EEFSEC: variants seen among roughly 807,000 people sequenced by gnomAD.
EEFSEC encodes the protein eukaryotic elongation factor, selenocysteine-tRNA specific.
Under a neutral mutation model 42.1 loss-of-function variants are expected in EEFSEC, and 43 were observed. The ratio of observed to expected loss-of-function variants is 1.02; its 90% CI spans 0.80 to 1.32. The LOEUF (loss-of-function observed/expected upper bound fraction) is 1.32, where lower values mean the gene tolerates loss of function less well. EEFSEC is among the 40% of genes most tolerant of loss of function. The pLI is 0.00. For synonymous variants in EEFSEC, 354 were observed against 339.1 expected (o/e 1.04, Z -0.48); for missense variants, 745 against 803.6 (o/e 0.93, Z 0.88).
chr3:128,419,476 T>C, the EEFSEC span, among the ~76,000 whole-genome samples: 1 of 152,204 alleles, frequency 6.6e-6, no homozygotes, highest in Admixed American at 6.5e-5. Context: ...GTTCTGTGAA[T>C]GCAGGCATGG....
chr3:128,196,082 G>A (rs2065581908), intron 1 of EEFSEC, among the ~76,000 whole-genome samples: 1 of 152,238 alleles, frequency 6.6e-6, no homozygotes, highest in African/African-American at 2.4e-5. Flanking sequence ...CTGAGACAGT[G>A]TGTCTGTGAC....
chr3:128,223,669 G>A (rs2065881816), intron 1 of EEFSEC, among the ~76,000 whole-genome samples: 1 of 152,172 alleles, frequency 6.6e-6, no homozygotes, highest in South Asian at 2.1e-4. Flanking sequence ...TATGAAATGG[G>A]AAATTTAGTG....
chr3:128,369,966 C>T (rs59254072), intron 6 of EEFSEC, among the ~76,000 whole-genome samples: 2,824 of 152,292 alleles, frequency 0.019, 94 homozygotes, highest in African/African-American at 0.063. Context: ...GACATTGATG[C>T]CACATTGTCT....
the EEFSEC span, among the ~76,000 whole-genome samples, chr3:128,421,337 C>G: frequency 3.3e-5 from 5 of 152,206 alleles, no homozygotes; most frequent in East Asian, 9.6e-4. Context: ...CCAGCGTGAA[C>G]GAGGGGGTCA....
intron 4 of EEFSEC, among the ~76,000 whole-genome samples, chr3:128,336,577 G>C (rs1392590890): frequency 6.6e-6 from 1 of 152,158 alleles, no homozygotes; most frequent in Non-Finnish European, 1.5e-5. Flanking sequence ...CTGGGGGCCT[G>C]GTTCTTCCCC....
At chr3:128,276,092 T>C (rs761040268) in intron 4 of EEFSEC, among the ~76,000 whole-genome samples, 2 of 152,186 alleles carry the variant, frequency 1.3e-5, no homozygotes, top group Non-Finnish European at 2.9e-5. Context: ...AGGCCCCTTC[T>C]TGGCCCTCCT....
the EEFSEC span, among the ~76,000 whole-genome samples, chr3:128,415,665 C>T: frequency 2.6e-5 from 4 of 152,208 alleles, no homozygotes; most frequent in Non-Finnish European, 5.9e-5. Context: ...CACTCAAGCC[C>T]GCTTCTCCCT....
At chr3:128,272,508 GCC>G (rs2066424828) in intron 4 of EEFSEC, among the ~76,000 whole-genome samples, 2 of 152,312 alleles carry the variant, frequency 1.3e-5, no homozygotes, top group East Asian at 3.9e-4. Flanking sequence ...CAGGAGAGTT[GCC>G]CAGAAGCAGA....
intron 2 of EEFSEC, among the ~76,000 whole-genome samples, chr3:128,249,723 A>G (rs987917478): frequency 6.6e-6 from 1 of 152,186 alleles, no homozygotes; most frequent in Non-Finnish European, 1.5e-5. Context: ...CACTTAGCAT[A>G]ATGTTTTTAA....
rs908306509 is a variant in EEFSEC, at chr3:128,373,554, G to A, written c.1600+15181G>A. Among the ~76,000 whole-genome samples the A allele has an allele frequency of 3.9e-5, 6 of 152,334 alleles. No individual in the cohort carries two copies. The East Asian group carries it at 7.7e-4, about 20-fold the overall frequency. ...TTAGCCAGGGACCTACAGCAGCAGC[G>A]AGCCTTTGGTTGGTGAGCAACCCCT... On this transcript the variant is annotated intron_variant, in intron 6 of 6. Coordinates refer to ENST00000254730, the MANE Select transcript of EEFSEC (RefSeq NM_021937.5).
chr3:128,235,755 C>T (rs189281728), intron 1 of EEFSEC, among the ~76,000 whole-genome samples: 153 of 152,332 alleles, frequency 1.0e-3, no homozygotes, highest in African/African-American at 3.5e-3. Context: ...GGCAGTCAGG[C>T]TGGTTCTGAC....
chr3:128,220,113 A>T lies in EEFSEC; in HGVS notation c.317-26723A>T, dbSNP rs77476809. Among the ~76,000 whole-genome samples, 131 of 152,276 alleles carry T rather than the reference A, an allele frequency of 8.6e-4. No individual in the cohort carries two copies. The East Asian group carries it at 0.019, about 22-fold the overall frequency. ...AGTTATAGGATTACAACTCCTGGAG[A>T]TGAGGGAACTGAAGGACAGAGAGAG... On this transcript the variant is annotated intron_variant, in intron 1 of 6. Coordinates refer to ENST00000254730, the MANE Select transcript of EEFSEC (RefSeq NM_021937.5).
intron 1 of EEFSEC, among the ~76,000 whole-genome samples, chr3:128,162,265 C>T (rs146642173): frequency 2.0e-5 from 3 of 152,312 alleles, no homozygotes; most frequent in Non-Finnish European, 4.4e-5. Context: ...ATTCTACTCT[C>T]CAGTACTGCT....
At chr3:128,316,826 C>T (rs2066951648) in intron 4 of EEFSEC, among the ~76,000 whole-genome samples, 1 of 152,218 alleles carries the variant, frequency 6.6e-6, no homozygotes, top group Non-Finnish European at 1.5e-5. Flanking sequence ...CATACGACAG[C>T]AGGGAGTTGA....
chr3:128,259,839 T>C (rs983855138), intron 2 of EEFSEC, among the ~76,000 whole-genome samples: 2 of 152,204 alleles, frequency 1.3e-5, no homozygotes, highest in Non-Finnish European at 2.9e-5. Context: ...TGTCTTTTTA[T>C]GTCATGTCTT....
chr3:128,296,645 C>T (rs1171530112), intron 4 of EEFSEC, among the ~76,000 whole-genome samples: 2 of 50,598 alleles, frequency 4.0e-5, no homozygotes, highest in African/African-American at 1.1e-4. Flanking sequence ...GTTACCTCCT[C>T]ACTGACCTTC....
At chr3:128,292,662 T>C (rs1171034664) in intron 4 of EEFSEC, among the ~76,000 whole-genome samples, 1 of 151,934 alleles carries the variant, frequency 6.6e-6, no homozygotes, top group Non-Finnish European at 1.5e-5. Flanking sequence ...TCATTTTATT[T>C]CTAATATTTT....
downstream of EEFSEC, among the ~76,000 whole-genome samples, chr3:128,410,541 G>A (rs575134767): frequency 2.0e-5 from 3 of 152,280 alleles, no homozygotes; most frequent in South Asian, 2.1e-4. Context: ...TGTGGCTGCC[G>A]CCACCAGGGC....
At chr3:128,255,328 G>A (rs2066230633) in intron 2 of EEFSEC, among the ~76,000 whole-genome samples, 1 of 152,180 alleles carries the variant, frequency 6.6e-6, no homozygotes, top group South Asian at 2.1e-4. Flanking sequence ...AGGAGGGAAG[G>A]ATGCCACTGC....
Sources: allele counts gnomAD v4.1 joint callset (sites outside exome capture counted in the v4.1 genomes callset), GRCh38; gene constraint gnomAD v4.1.1; transcripts MANE v1.5; gene names NCBI Gene and HGNC (gene_info 2026-07-23, HGNC 2026-07-21).